Variants in TMOD1 observed in about 807,000 individuals in gnomAD.
TMOD1 encodes tropomodulin-1.
In TMOD1, 17 loss-of-function variants were observed where a neutral mutation model predicts 40.6. The observed-to-expected ratio is 0.42, with a 90% confidence interval of 0.29 to 0.63. TMOD1 has a LOEUF of 0.63. TMOD1 is among the 20% of genes least tolerant of loss of function. The pLI is 0.22. For missense variants in TMOD1, 391 were observed against 447.6 expected (o/e 0.87, Z 1.14); for synonymous variants, 181 against 175.0 (o/e 1.03, Z -0.27).
At chr9:97,531,360 C>G (rs1458216019) in intron 2 of TMOD1, among the ~76,000 whole-genome samples, 2 of 152,096 alleles carry the variant, frequency 1.3e-5, no homozygotes, top group Admixed American at 1.3e-4. Flanking sequence ...CCTATAATCT[C>G]AGCAGTTTTT....
intron 7 of TMOD1, among the ~76,000 whole-genome samples, chr9:97,567,414 C>T (rs1438153626): frequency 1.3e-5 from 2 of 152,148 alleles, no homozygotes; most frequent in Admixed American, 1.3e-4. Flanking sequence ...ATCAGGCTGC[C>T]AGAGCTCTGT....
intron 8 of TMOD1, among the ~76,000 whole-genome samples, chr9:97,580,996 T>C (rs973690806): frequency 1.2e-3 from 80 of 68,904 alleles, no homozygotes; most frequent in African/African-American, 4.6e-3. Context: ...ATTTCTTTTT[T>C]CTTTTTTTTT....
At chr9:97,559,794 A>AAAAATATATATAT (rs1390791825) in intron 4 of TMOD1, among the ~76,000 whole-genome samples, 1 of 23,174 alleles carries the variant, frequency 4.3e-5, no homozygotes, top group Admixed American at 7.4e-4. Context: ...AAAAAAAAAA[A>AAAAATATATATAT]ATATATATAT....
chr9:97,569,186 C>A, intron 8 of TMOD1, 149 bp downstream of exon 8: 1 of 886,880 alleles, frequency 1.1e-6, no homozygotes, highest in Admixed American at 2.9e-5. Flanking sequence ...CTAAAGTTCA[C>A]ACCCTCTACC....
intron 8 of TMOD1, among the ~76,000 whole-genome samples, chr9:97,585,635 G>T (rs1383537633): frequency 2.2e-5 from 3 of 135,984 alleles, no homozygotes; most frequent in Non-Finnish European, 4.7e-5. Context: ...ATCACTTTCA[G>T]GTACACCAAT....
chr9:97,540,940 A>G (rs919651540), intron 2 of TMOD1, among the ~76,000 whole-genome samples: 6 of 152,150 alleles, frequency 3.9e-5, no homozygotes, highest in Non-Finnish European at 7.4e-5. Flanking sequence ...GGGTTGTATC[A>G]TTTTACATTC....
chr9:97,544,589 C>T (rs1312529081), intron 2 of TMOD1, among the ~76,000 whole-genome samples: 4 of 152,026 alleles, frequency 2.6e-5, no homozygotes, highest in African/African-American at 7.2e-5. Flanking sequence ...AGTATTCCCT[C>T]CCAAGCTGTA....
chr9:97,584,216 G>C (rs1359134311), intron 8 of TMOD1, among the ~76,000 whole-genome samples: 1 of 152,162 alleles, frequency 6.6e-6, no homozygotes, highest in East Asian at 1.9e-4. Context: ...TGTTCTCGTT[G>C]TTTCAAAGAA....
intron 3 of TMOD1, among the ~76,000 whole-genome samples, chr9:97,549,462 T>A (rs1269356938): frequency 6.6e-6 from 1 of 152,170 alleles, no homozygotes; most frequent in Non-Finnish European, 1.5e-5. Context: ...TCTTAAATAT[T>A]TATTGAATAT....
At chr9:97,543,946 T>C (rs1234525451) in intron 2 of TMOD1, among the ~76,000 whole-genome samples, 1 of 152,220 alleles carries the variant, frequency 6.6e-6, no homozygotes, top group African/African-American at 2.4e-5. Context: ...GCATCACTTA[T>C]GTTCCTGATG....
intron 4 of TMOD1, among the ~76,000 whole-genome samples, chr9:97,556,990 G>A (rs1830546623): frequency 6.6e-6 from 1 of 152,092 alleles, no homozygotes; most frequent in South Asian, 2.1e-4. Context: ...CCTAACTCAG[G>A]TGTGACACGG....
At chr9:97,551,014 A>T (rs200471451) in intron 3 of TMOD1, among the ~76,000 whole-genome samples, 2,735 of 102,406 alleles carry the variant, frequency 0.027, 89 homozygotes, top group East Asian at 0.045. Flanking sequence ...ATATATATAT[A>T]TTTTTTTTTT....
chr9:97,573,890 G>A (rs189035183), intron 8 of TMOD1, among the ~76,000 whole-genome samples: 224 of 152,342 alleles, frequency 1.5e-3, no homozygotes, highest in African/African-American at 5.1e-3. Flanking sequence ...GAGTCACAAA[G>A]CACAACCCAC....
chr9:97,579,638 C>G (rs1216562870), intron 8 of TMOD1, among the ~76,000 whole-genome samples: 1 of 152,196 alleles, frequency 6.6e-6, no homozygotes, highest in Non-Finnish European at 1.5e-5. Context: ...AGGAAATGAA[C>G]TATACATCGT....
At chr9:97,586,060 C>T (rs1465990126) in intron 8 of TMOD1, among the ~76,000 whole-genome samples, 2 of 151,892 alleles carry the variant, frequency 1.3e-5, no homozygotes, top group Non-Finnish European at 2.9e-5. Flanking sequence ...AACTGCGTTC[C>T]TTTGGAGGAG....
intron 8 of TMOD1, among the ~76,000 whole-genome samples, chr9:97,589,960 T>A (rs2131291182): frequency 6.6e-6 from 1 of 152,168 alleles, no homozygotes; most frequent in East Asian, 1.9e-4. Context: ...AATCCCACCA[T>A]TATCAATATA....
At chr9:97,524,844 A>T (rs1202568126) in intron 2 of TMOD1, among the ~76,000 whole-genome samples, 1 of 144,102 alleles carries the variant, frequency 6.9e-6, no homozygotes, top group Non-Finnish European at 1.5e-5. Context: ...TCTTCAACTG[A>T]TTGGATGCCC....
At chr9:97,525,725 T>A (rs558902357) in intron 2 of TMOD1, among the ~76,000 whole-genome samples, 5 of 152,232 alleles carry the variant, frequency 3.3e-5, no homozygotes, top group Non-Finnish European at 7.3e-5. Flanking sequence ...CAATTTCTCC[T>A]TGGTAGTCAG....
At chr9:97,553,467 T>C (rs1039752030) in intron 4 of TMOD1, 67 bp downstream of exon 4, 10 of 1,599,982 alleles carry the variant, frequency 6.3e-6, no homozygotes, top group Admixed American at 1.7e-5. Flanking sequence ...CAGGGAGCCT[T>C]GTAGGGCTCA....
Sources: allele counts gnomAD v4.1 joint callset (sites outside exome capture counted in the v4.1 genomes callset), GRCh38; gene constraint gnomAD v4.1.1; transcripts MANE v1.5; gene names NCBI Gene and HGNC (gene_info 2026-07-23, HGNC 2026-07-21).